The following MKRN2 variants were observed in gnomAD, a reference collection of about 807,000 sequenced individuals.
MKRN2 encodes makorin ring finger protein 2, also known as E3 ubiquitin-protein ligase makorin-2.
In MKRN2, 32 loss-of-function variants were observed where a neutral mutation model predicts 45.4. That is an observed-to-expected ratio of 0.70 (90% CI 0.53 to 0.95). The LOEUF is 0.95. MKRN2 is among the 40% of genes least tolerant of loss of function. MKRN2 has a pLI of 0.00. For missense variants in MKRN2, 526 were observed against 536.7 expected (o/e 0.98, Z 0.20); for synonymous variants, 206 against 192.4 (o/e 1.07, Z -0.59).
At chr3:12,572,548 A>G (rs1486762499) in intron 4 of MKRN2, among the ~76,000 whole-genome samples, 175 bp downstream of exon 4, 1 of 151,688 alleles carries the variant, frequency 6.6e-6, no homozygotes, top group Non-Finnish European at 1.5e-5. Context: ...TATCTGGTAT[A>G]TTTACATCCT....
At chr3:12,565,858 C>T (rs1330839657) in intron 1 of MKRN2, among the ~76,000 whole-genome samples, 1 of 151,360 alleles carries the variant, frequency 6.6e-6, no homozygotes, top group Non-Finnish European at 1.5e-5. Flanking sequence ...GTTCTATTTA[C>T]AGGGTTTTTT....
intron 6 of MKRN2, among the ~76,000 whole-genome samples, chr3:12,577,471 T>C (rs2058149070): frequency 6.6e-6 from 1 of 152,204 alleles, no homozygotes; most frequent in Non-Finnish European, 1.5e-5. Flanking sequence ...TTTTCAATCT[T>C]TTTTTCTTTT....
Position 12,568,933 on chromosome 3 carries a change from G to A in MKRN2, c.85G>A (p.Ala29Thr), listed in dbSNP as rs895099366. The change falls in exon 2 of 8, where the codon GCA becomes ACA. Residue 29 changes from alanine (A) to threonine (T), a missense_variant. Coordinates refer to ENST00000170447, the MANE Select transcript of MKRN2 (RefSeq NM_014160.5). ...TCAGTGCCTATTCTCACATGACTTG[G>A]CAAACAGCAAACCGTCCACCATCTG... ...GSQCLFSHDL[A>T]NSKPSTICKY... The A allele has an allele frequency of 3.7e-6, 6 of 1,614,120 alleles. No individual in the cohort carries two copies. Among genetic ancestry groups the A allele is most frequent in the Non-Finnish European group, 5.1e-6 (6 of 1,180,016 alleles).
chr3:12,572,398 A>G (rs2058105482), intron 4 of MKRN2, 25 bp downstream of exon 4: 4 of 1,526,978 alleles, frequency 2.6e-6, no homozygotes, highest in Non-Finnish European at 3.5e-6. Flanking sequence ...CTTTGCATGA[A>G]CTCATGTTAA....
chr3:12,569,056 G>A, intron 2 of MKRN2, 53 bp downstream of exon 2: 1 of 1,570,998 alleles, frequency 6.4e-7, no homozygotes, highest in Non-Finnish European at 8.6e-7. Context: ...TTTGGAGAAT[G>A]GGTCTTGATA....
chr3:12,573,164 A>C (rs537339381), intron 4 of MKRN2, among the ~76,000 whole-genome samples: 1 of 152,170 alleles, frequency 6.6e-6, no homozygotes, highest in South Asian at 2.1e-4. Flanking sequence ...TAATGTCTGC[A>C]GTGTTTTGGG....
Position 12,572,260 on chromosome 3 carries a change from G to T in MKRN2, c.529G>T (p.Gly177Trp), listed in dbSNP as rs769797562. Residue 177 changes from glycine to tryptophan, a missense_variant, in exon 4 of 8, where the codon GGG becomes TGG. Coordinates refer to ENST00000170447, the MANE Select transcript of MKRN2 (RefSeq NM_014160.5). Reference protein sequence around the residue: ...EQQLCPYAAAGECRFGDACVY... With the variant: ...EQQLCPYAAAWECRFGDACVY... ...GCAGCTGTGCCCCTACGCAGCTGCTGGGGAGTGCCGGTTTGGGGATGCCTG... is the reference window on the plus strand; with the variant it reads ...GCAGCTGTGCCCCTACGCAGCTGCTTGGGAGTGCCGGTTTGGGGATGCCTG... The T allele has an allele frequency of 3.7e-6, 6 of 1,613,956 alleles. No individual in the cohort carries two copies. Among genetic ancestry groups the T allele is most frequent in the African/African-American group, 2.7e-5 (2 of 74,898 alleles).
At chr3:12,576,840 C>G (rs761611185) in intron 6 of MKRN2, 99 bp downstream of exon 6, 6 of 691,076 alleles carry the variant, frequency 8.7e-6, no homozygotes, top group Non-Finnish European at 1.5e-5. Context: ...TCTTAGGGGC[C>G]TCTTCCTCTC....
intron 5 of MKRN2, among the ~76,000 whole-genome samples, chr3:12,576,354 G>T (rs1400712865): frequency 6.6e-6 from 1 of 152,094 alleles, no homozygotes; most frequent in South Asian, 2.1e-4. Flanking sequence ...AGCCATGCAT[G>T]CATTAGCTGT....
chr3:12,577,636 A>G (rs984617474), intron 6 of MKRN2, among the ~76,000 whole-genome samples: 1 of 151,934 alleles, frequency 6.6e-6, no homozygotes, highest in Non-Finnish European at 1.5e-5. Flanking sequence ...ATTACATTGT[A>G]GAGAGACTTA....
chr3:12,571,127 GTTTTTGTTTTT>G (rs1575519865), intron 3 of MKRN2, among the ~76,000 whole-genome samples: 1 of 100,122 alleles, frequency 1.0e-5, no homozygotes, highest in East Asian at 2.0e-4. Context: ...TGTTTGTTTT[GTTTTTGTTTTT>G]TTTTTGGAGA....
intron 1 of MKRN2, among the ~76,000 whole-genome samples, chr3:12,560,440 C>A (rs1003894267): frequency 7.2e-6 from 1 of 139,126 alleles, no homozygotes; most frequent in Admixed American, 7.5e-5. Context: ...AGGAGTATAG[C>A]CGTAAAATTT....
rs1398365999 is a variant in MKRN2, at chr3:12,576,189, A to ATATG, written c.858-441_858-440insATGT. ...GTCTTTTTTGTTGAGGAAACCATATATGTGTGTGTGTGTGTGTGTGTGTGT... is the reference window on the plus strand; with the variant it reads ...GTCTTTTTTGTTGAGGAAACCATATATATGTGTGTGTGTGTGTGTGTGTGTGTGT... On this transcript the variant is annotated intron_variant, in intron 5 of 7. Coordinates refer to ENST00000170447, the MANE Select transcript of MKRN2 (RefSeq NM_014160.5). Among the ~76,000 whole-genome samples, 1,050 of 143,272 alleles carry ATATG rather than the reference A, an allele frequency of 7.3e-3. 11 individuals carry two copies. Among genetic ancestry groups the ATATG allele is most frequent in the African/African-American group, 0.024 (937 of 38,722 alleles). 94.0% of individuals were successfully genotyped at this position (143,272 alleles called of 152,430 possible).
At chr3:12,573,600 T>A (rs1347209858) in intron 4 of MKRN2, among the ~76,000 whole-genome samples, 1 of 151,980 alleles carries the variant, frequency 6.6e-6, no homozygotes, top group Non-Finnish European at 1.5e-5. Flanking sequence ...TTTTAAAATT[T>A]TATTTTATTT....
intron 3 of MKRN2, 70 bp from the exon 4 acceptor site, chr3:12,571,999 G>A: frequency 6.9e-7 from 1 of 1,446,962 alleles, no homozygotes; most frequent in Non-Finnish European, 9.2e-7. Flanking sequence ...AATATGTTAG[G>A]CTTTGGCTAA....
Position 12,572,124 on chromosome 3 carries a change from C to T in MKRN2, c.393C>T (p.Gly131=). The part of the protein sequence containing the change: ...KTQPSMVSNP[G]SCSDPQPSPE... ...AGCCGAGCATGGTGAGTAATCCAGGCAGCTGCAGCGACCCCCAGCCCAGCC... is the reference window on the plus strand; with the variant it reads ...AGCCGAGCATGGTGAGTAATCCAGGTAGCTGCAGCGACCCCCAGCCCAGCC... Residue 131 remains glycine, a synonymous_variant, in exon 4 of 8, where the codon GGC becomes GGT. Transcript: ENST00000170447. 2 of 1,613,884 alleles carry T rather than the reference C, an allele frequency of 1.2e-6. No homozygotes were observed. Among genetic ancestry groups the T allele is most frequent in the Non-Finnish European group, 1.7e-6 (2 of 1,179,914 alleles).
At chr3:12,569,704 C>T (rs552360666) in intron 2 of MKRN2, among the ~76,000 whole-genome samples, 1 of 152,126 alleles carries the variant, frequency 6.6e-6, no homozygotes, top group South Asian at 2.1e-4. Context: ...AGATCATTGG[C>T]CCTTGTCAGC....
chr3:12,569,117 G>A, intron 2 of MKRN2, 114 bp downstream of exon 2: 1 of 1,307,292 alleles, frequency 7.6e-7, no homozygotes. Context: ...AAAAAGTATG[G>A]CAAATAAGTT....
At chr3:12,557,221 G>A in intron 1 of MKRN2, 45 bp downstream of exon 1, 2 of 1,525,142 alleles carry the variant, frequency 1.3e-6, no homozygotes, top group South Asian at 1.2e-5. Context: ...CCCCCAGGCC[G>A]CAGGGGGGCC....
Sources: gnomAD v4.1 joint callset for allele counts (sites outside exome capture counted in the v4.1 genomes callset) on GRCh38, gnomAD v4.1.1 for gene constraint, MANE v1.5 for transcripts, NCBI Gene and HGNC (gene_info 2026-07-23, HGNC 2026-07-21) for gene names.